The following DNAJB6 variants were observed in gnomAD, a reference collection of about 807,000 sequenced individuals.
DNAJB6 encodes the protein dnaJ homolog subfamily B member 6.
In DNAJB6, 16 loss-of-function variants were observed where a neutral mutation model predicts 42.7. The ratio of observed to expected loss-of-function variants is 0.37; its 90% CI spans 0.25 to 0.57. DNAJB6 has a LOEUF of 0.57. Among genes scored for constraint, DNAJB6 ranks in the 20% least tolerant of loss-of-function variants. The pLI is 0.74. For synonymous variants in DNAJB6, 170 were observed against 163.5 expected (o/e 1.04, Z -0.30); for missense variants, 347 against 416.8 (o/e 0.83, Z 1.46).
At chr7:157,337,617 GAGA>G (rs931995061) in intron 1 of DNAJB6, 1 of 152,184 alleles carries the variant, frequency 6.6e-6, no homozygotes, top group Admixed American at 6.5e-5. Flanking sequence ...AGTTCGGAGG[GAGA>G]AGAAGCAGGT....
intron 1 of DNAJB6, among the ~76,000 whole-genome samples, chr7:157,355,903 C>A (rs1169110513): frequency 6.6e-6 from 1 of 152,172 alleles, no homozygotes; most frequent in African/African-American, 2.4e-5. Context: ...ACAGCATTCC[C>A]CAGCTGGCCA....
intron 2 of DNAJB6, among the ~76,000 whole-genome samples, chr7:157,362,823 T>C (rs555272177): frequency 2.0e-5 from 3 of 152,336 alleles, no homozygotes; most frequent in African/African-American, 4.8e-5. Flanking sequence ...TTTACAATTT[T>C]AATTTTGAGA....
chr7:157,362,853 A>T (rs1009222099), intron 2 of DNAJB6, among the ~76,000 whole-genome samples: 2 of 152,220 alleles, frequency 1.3e-5, no homozygotes, highest in African/African-American at 4.8e-5. Context: ...TCTGTCGCCC[A>T]GGCTGGACTG....
intron 5 of DNAJB6, among the ~76,000 whole-genome samples, chr7:157,376,412 C>G (rs1800475967): frequency 6.6e-6 from 1 of 152,122 alleles, no homozygotes; most frequent in African/African-American, 2.4e-5. Flanking sequence ...GAAGCTCTTG[C>G]TATACGATGC....
intron 8 of DNAJB6, among the ~76,000 whole-genome samples, chr7:157,401,105 C>T (rs371603103): frequency 1.6e-4 from 25 of 152,218 alleles, no homozygotes; most frequent in South Asian, 4.1e-4. Flanking sequence ...TGGCCCACCA[C>T]GAGCCCCTCA....
At chr7:157,415,951 T>A (rs1279915893) in intron 9 of DNAJB6, 65 bp from the exon 10 acceptor site, 1 of 1,606,424 alleles carries the variant, frequency 6.2e-7, no homozygotes, top group South Asian at 1.1e-5. Flanking sequence ...TTAGAAAACA[T>A]GTTTGGCTCT....
rs1196308237 is a variant in DNAJB6 at position 157,417,105 on chromosome 7, CG to C, written c.*1008del. The C allele has an allele frequency of 6.6e-6, 1 of 152,180 alleles. No individual in the cohort carries two copies. Among genetic ancestry groups the C allele is most frequent in the Non-Finnish European group, 1.5e-5 (1 of 68,054 alleles). The allele number at this position is 152,180 out of a possible 1,614,324, so 9.4% of individuals were successfully genotyped here. A position where few individuals can be genotyped will look rare whatever the true frequency, so the allele number is the denominator to read the frequency against. On this transcript the variant is annotated 3_prime_UTR_variant, in exon 10 of 10. Coordinates refer to ENST00000262177, the MANE Select transcript of DNAJB6 (RefSeq NM_058246.4). ...CCTTCCCTTTCACATGAGGATCTGC[CG>C]TTCATGTTGCTTTCTCCTTTGTCCT...
intron 8 of DNAJB6, among the ~76,000 whole-genome samples, chr7:157,409,525 A>G (rs1481786344): frequency 6.6e-6 from 1 of 152,236 alleles, no homozygotes; most frequent in Non-Finnish European, 1.5e-5. Context: ...AGGCGTGTTG[A>G]CTGTGCCAAA....
chr7:157,384,946 C>A lies in DNAJB6; in HGVS notation c.558C>A (p.Gly186=). Residue 186 remains glycine (G), a synonymous_variant, in exon 7 of 10, where the codon GGC becomes GGA. Transcript: ENST00000262177. The stretch of plus-strand genomic sequence containing the variant: ...CGTCATTTGGTGGTAGTGGCATGGG[C>A]AACTTCAAATCGATATCAACTTCAA... ...SSTSFGGSGM[G]NFKSISTSTK... The A allele has an allele frequency of 6.2e-7, 1 of 1,614,022 alleles. No homozygotes were observed. The highest frequency in any genetic ancestry group is 8.5e-7 in the Non-Finnish European group (1 of 1,179,956).
chr7:157,374,215 G>A (rs1164210980), intron 5 of DNAJB6, among the ~76,000 whole-genome samples: 1 of 152,122 alleles, frequency 6.6e-6, no homozygotes, highest in Non-Finnish European at 1.5e-5. Flanking sequence ...GTATGGTTGT[G>A]TGCGTATTTG....
intron 3 of DNAJB6, among the ~76,000 whole-genome samples, 194 bp from the exon 4 acceptor site, chr7:157,366,308 G>T (rs574548719): frequency 1.3e-5 from 2 of 152,092 alleles, no homozygotes; most frequent in African/African-American, 2.4e-5. Flanking sequence ...AATTTTTTTT[G>T]AATTGTTTTT....
At chr7:157,395,834 T>G (rs1403255233) in intron 8 of DNAJB6, among the ~76,000 whole-genome samples, 1 of 151,700 alleles carries the variant, frequency 6.6e-6, no homozygotes, top group African/African-American at 2.4e-5. Context: ...TTTTATATTT[T>G]CAGTAGAGAC....
chr7:157,394,457 A>C (rs1293809922), intron 8 of DNAJB6, among the ~76,000 whole-genome samples: 3 of 151,708 alleles, frequency 2.0e-5, no homozygotes, highest in Non-Finnish European at 4.4e-5. Context: ...TGAGCCCTGG[A>C]GGTCGAGGCT....
intron 8 of DNAJB6, among the ~76,000 whole-genome samples, chr7:157,396,714 T>C (rs1465071472): frequency 6.6e-6 from 1 of 152,148 alleles, no homozygotes; most frequent in African/African-American, 2.4e-5. Flanking sequence ...TTTCCGGCTT[T>C]CATAGCCCTT....
intron 7 of DNAJB6, 119 bp from the exon 8 acceptor site, chr7:157,385,422 C>T (rs1801002936): frequency 9.1e-7 from 1 of 1,099,120 alleles, no homozygotes; most frequent in South Asian, 1.6e-5. Context: ...CATGTTTTTA[C>T]AGCCTGAAAA....
At chr7:157,401,081 G>A (rs371282772) in intron 8 of DNAJB6, among the ~76,000 whole-genome samples, 1 of 152,094 alleles carries the variant, frequency 6.6e-6, no homozygotes, top group Non-Finnish European at 1.5e-5. Context: ...CGGCCTCCTC[G>A]CCTCTGATTT....
intron 8 of DNAJB6, among the ~76,000 whole-genome samples, chr7:157,404,436 C>T (rs928433844): frequency 4.8e-5 from 7 of 146,060 alleles, no homozygotes; most frequent in Admixed American, 6.8e-5. Context: ...GGACTGTAGG[C>T]GTGCAACAGC....
chr7:157,366,073 C>G (rs754246495), intron 3 of DNAJB6, among the ~76,000 whole-genome samples: 4 of 152,148 alleles, frequency 2.6e-5, no homozygotes, highest in Non-Finnish European at 4.4e-5. Flanking sequence ...GCCTCAGCCT[C>G]CTGAGTAGCT....
intron 6 of DNAJB6, among the ~76,000 whole-genome samples, chr7:157,383,034 C>CA (rs1800866356): frequency 6.6e-6 from 1 of 152,016 alleles, no homozygotes; most frequent in Admixed American, 6.5e-5. Context: ...AAAAGAGTCT[C>CA]ACTTTAGTGA....
Sources: allele counts gnomAD v4.1 joint callset (sites outside exome capture counted in the v4.1 genomes callset), GRCh38; gene constraint gnomAD v4.1.1; transcripts MANE v1.5; gene names NCBI Gene and HGNC (gene_info 2026-07-23, HGNC 2026-07-21).